Variants in DST observed in about 807,000 individuals in gnomAD.
DST encodes the protein dystonin.
A neutral mutation model predicts 875.2 loss-of-function variants in DST; 253 were observed. The ratio of observed to expected loss-of-function variants is 0.29; its 90% CI spans 0.26 to 0.32. The LOEUF (loss-of-function observed/expected upper bound fraction) is 0.32. Ranked by LOEUF, DST falls within the 10% of genes least tolerant of loss-of-function variation. DST has a pLI of 1.00. For synonymous variants in DST, 3,124 were observed against 3,197.1 expected (o/e 0.98, Z 0.77); for missense variants, 8,287 against 9,111.6 (o/e 0.91, Z 3.68).
intron 4 of DST, among the ~76,000 whole-genome samples, chr6:56,773,266 T>C (rs1166693587): frequency 1.3e-5 from 2 of 152,158 alleles, no homozygotes; most frequent in South Asian, 2.1e-4. Flanking sequence ...AGGTAACAGA[T>C]ACAGTCATCT....
chr6:56,597,634 C>A, intron 47 of DST, 106 bp downstream of exon 47: 1 of 1,183,984 alleles, frequency 8.4e-7, no homozygotes, highest in South Asian at 1.9e-5. Context: ...CAGAAAAAAA[C>A]CTCTTTTGTC....
rs2095181281 is a variant in DST, at chr6:56,476,187, C to T, written c.21826G>A (p.Glu7276Lys). The T allele has an allele frequency of 4.3e-6, 7 of 1,613,030 alleles. No homozygotes were observed. Among genetic ancestry groups the T allele is most frequent in the Non-Finnish European group, 5.9e-6 (7 of 1,179,478 alleles). Residue 7276 changes from glutamate (E) to lysine (K), a missense_variant, in exon 92 of 104, where the codon GAG becomes AAG. Transcript: ENST00000680361. ...TDKDKEVIPQ[E>K]IEEVKALIAE... The stretch of plus-strand genomic sequence containing the variant: ...ATGAGTGCTTTCACCTCTTCGATCT[C>T]CTGGGGGATGACTTCTTTATCCTTA...
At chr6:56,486,718 T>A (rs1382432435) in intron 87 of DST, among the ~76,000 whole-genome samples, 1 of 152,090 alleles carries the variant, frequency 6.6e-6, no homozygotes, top group Non-Finnish European at 1.5e-5. Context: ...TGCCCAGTAG[T>A]AAGTCACCAA....
At chr6:56,873,832 T>G (rs1160798138) in intron 3 of DST, among the ~76,000 whole-genome samples, 2 of 152,200 alleles carry the variant, frequency 1.3e-5, no homozygotes, top group African/African-American at 4.8e-5. Context: ...CTTTATTGTA[T>G]AGCTCTAAAT....
Position 56,511,239 on chromosome 6 carries a change from C to T in DST, c.18738G>A (p.Lys6246=). The T allele has an allele frequency of 5.6e-6, 9 of 1,593,622 alleles. No homozygotes were observed. Among genetic ancestry groups the T allele is most frequent in the Non-Finnish European group, 7.7e-6 (9 of 1,168,844 alleles). ...TGGCTTCATCCAGTGCCACAGCACGCTTTTTGACATCTTCTTTAATTTGAC... is the reference window on the plus strand; with the variant it reads ...TGGCTTCATCCAGTGCCACAGCACGTTTTTTGACATCTTCTTTAATTTGAC... ...LYSQIKEDVK[K]RAVALDEAIS... Residue 6246 remains lysine (K), a synonymous_variant, in exon 73 of 104, where the codon AAG becomes AAA. Coordinates refer to ENST00000680361, the MANE Select transcript of DST (RefSeq NM_001374736.1).
intron 43 of DST, 29 bp downstream of exon 43, chr6:56,602,853 T>C (rs2098458506): frequency 6.9e-7 from 1 of 1,440,466 alleles, no homozygotes; most frequent in Non-Finnish European, 9.1e-7. Flanking sequence ...TTTTGAAATA[T>C]ATTTTGTCAT....
In DST at chr6:56,693,155, T is replaced by C. The variant is rs763259654; in HGVS notation, c.1047+6498A>G. 7 of 1,277,334 alleles carry C rather than the reference T, an allele frequency of 5.5e-6. No homozygotes were observed. The South Asian group carries it at 6.4e-5, about 12-fold the overall frequency. 79.1% of individuals were successfully genotyped at this position (1,277,334 alleles called of 1,614,324 possible). ...CATCCACAGACATTCCCCATTTGAT[T>C]TGTAGGAGATCACAGCTCCATAGAT... is the stretch of plus-strand genomic sequence containing the variant. On this transcript the variant is annotated intron_variant, in intron 9 of 103. Coordinates refer to ENST00000680361, the MANE Select transcript of DST (RefSeq NM_001374736.1).
chr6:56,510,821 T>C (rs1456344573), intron 73 of DST, among the ~76,000 whole-genome samples: 1 of 152,210 alleles, frequency 6.6e-6, no homozygotes, highest in Non-Finnish European at 1.5e-5. Context: ...ATTTAGCCTA[T>C]CATTCTTTCT....
chr6:56,515,315 C>T (rs1310477347), intron 72 of DST, 135 bp downstream of exon 72: 2 of 975,568 alleles, frequency 2.1e-6, no homozygotes, highest in Non-Finnish European at 3.0e-6. Context: ...ATGAGGTAAG[C>T]AAATTACACA....
intron 55 of DST, among the ~76,000 whole-genome samples, chr6:56,565,310 G>A (rs538160987): frequency 6.6e-6 from 1 of 151,874 alleles, no homozygotes; most frequent in African/African-American, 2.4e-5. Flanking sequence ...TAGTAGAGAT[G>A]GGGTTTCACC....
chr6:56,527,439 T>C (rs1040933292), intron 68 of DST, 54 bp downstream of exon 68: 1 of 1,575,784 alleles, frequency 6.3e-7, no homozygotes, highest in African/African-American at 1.4e-5. Context: ...TTTGTGTGAA[T>C]AAGACTGCCT....
At chr6:56,603,788 C>T (rs762895295) in intron 40 of DST, 49 bp downstream of exon 40, 1 of 1,583,326 alleles carries the variant, frequency 6.3e-7, no homozygotes, top group Non-Finnish European at 8.6e-7. Flanking sequence ...GGATTATTCT[C>T]ACATGGTTCA....
chr6:56,628,186 C>CA (rs2098749469), intron 32 of DST, 25 bp from the exon 33 acceptor site: 6 of 1,606,474 alleles, frequency 3.7e-6, no homozygotes, highest in Non-Finnish European at 5.1e-6. Flanking sequence ...ACCGAATAGT[C>CA]ACGGTGTCCA....
At chr6:56,591,588 A>C (rs2098272907) in intron 49 of DST, among the ~76,000 whole-genome samples, 1 of 152,214 alleles carries the variant, frequency 6.6e-6, no homozygotes, top group South Asian at 2.1e-4. Flanking sequence ...GTAAGTATAA[A>C]GATAAATAAG....
intron 10 of DST, among the ~76,000 whole-genome samples, chr6:56,651,890 A>C (rs1019288589): frequency 2.6e-5 from 4 of 152,172 alleles, no homozygotes; most frequent in Admixed American, 2.0e-4. Context: ...TGTTTCTCCC[A>C]AACCGTCAAC....
intron 37 of DST, among the ~76,000 whole-genome samples, 156 bp downstream of exon 37, chr6:56,614,200 T>C (rs1299609992): frequency 6.6e-6 from 1 of 152,186 alleles, no homozygotes; most frequent in Non-Finnish European, 1.5e-5. Context: ...TTTGATTCTT[T>C]GGGCAAGTTA....
In DST at chr6:56,582,854, T is replaced by C. The variant is rs187248136; in HGVS notation, c.12904-3917A>G. 6.4e-3 allele frequency among the ~76,000 whole-genome samples: 968 copies of C among 152,272 alleles called. 8 individuals are homozygous for C. The highest frequency in any genetic ancestry group is 0.022 in the African/African-American group (905 of 41,570). On this transcript the variant is annotated intron_variant, in intron 49 of 103. Transcript: ENST00000680361. Reference sequence around the variant, plus strand: ...AGTGAGAACATGCGGTGTTTGGTTTTTTGGCCTTGTGATAGTTTACTGAGA... The same window carrying C: ...AGTGAGAACATGCGGTGTTTGGTTTCTTGGCCTTGTGATAGTTTACTGAGA...
chr6:56,564,916 G>A (rs75398535), intron 55 of DST, among the ~76,000 whole-genome samples: 3 of 152,068 alleles, frequency 2.0e-5, no homozygotes, highest in Non-Finnish European at 2.9e-5. Context: ...GGATAAAGCC[G>A]ATTTTATCGT....
chr6:56,570,167 T>C (rs2097758439), intron 53 of DST, among the ~76,000 whole-genome samples, 155 bp from the exon 54 acceptor site: 1 of 152,186 alleles, frequency 6.6e-6, no homozygotes. Context: ...TGAAATCAGC[T>C]AAATCAGTAG....
Sources: allele counts gnomAD v4.1 joint callset (sites outside exome capture counted in the v4.1 genomes callset), GRCh38; gene constraint gnomAD v4.1.1; transcripts MANE v1.5; gene names NCBI Gene and HGNC (gene_info 2026-07-23, HGNC 2026-07-21).